Variants in NEO1 observed in about 807,000 individuals in gnomAD.
The protein encoded by NEO1 is neogenin 1, also known as neogenin.
In NEO1, 63 loss-of-function variants were observed where a neutral mutation model predicts 159.7. The ratio of observed to expected loss-of-function variants is 0.39; its 90% CI spans 0.32 to 0.49. NEO1 has a LOEUF of 0.49. Among genes scored for constraint, NEO1 ranks in the 20% least tolerant of loss-of-function variants. NEO1 has a pLI of 0.85. For missense variants in NEO1, 1,615 were observed against 1,831.0 expected, an observed-to-expected ratio of 0.88 and a Z score of 2.15; for synonymous variants, 633 against 662.0, an observed-to-expected ratio of 0.96 and a Z score of 0.67.
chr15:73,237,544 G>A (rs1438589393), intron 8 of NEO1, among the ~76,000 whole-genome samples: 1 of 152,190 alleles, frequency 6.6e-6, no homozygotes, highest in African/African-American at 2.4e-5. Context: ...ATTTCCATTA[G>A]CATGCTTATA....
intron 5 of NEO1, among the ~76,000 whole-genome samples, chr15:73,173,866 G>A (rs1440422222): frequency 2.0e-5 from 3 of 152,000 alleles, no homozygotes; most frequent in East Asian, 1.9e-4. Context: ...TTGGGAGGCC[G>A]AGGCAGGTGG....
rs773649750 is a variant in NEO1, at chr15:73,178,366, C to T, written c.1230C>T (p.Cys410=). The part of the protein sequence containing the change: ...LVKSDEGFYQ[C]IAENDVGNAQ... ...AATCAGATGAAGGGTTCTATCAGTG[C>T]ATTGCTGAAAATGATGTTGGAAATG... The change falls in exon 7 of 29, where the codon TGC becomes TGT. Residue 410 remains cysteine, a synonymous_variant. Transcript: ENST00000261908. 5 of 1,613,710 alleles carry T rather than the reference C, an allele frequency of 3.1e-6. No homozygotes were observed. Among genetic ancestry groups the T allele is most frequent in the Middle Eastern group, 1.7e-4 (1 of 6,056 alleles).
chr15:73,056,879 G>A lies in NEO1; in HGVS notation c.130+4074G>A, dbSNP rs2067730095. Among the ~76,000 whole-genome samples, 4 of 152,218 alleles carry A rather than the reference G, an allele frequency of 2.6e-5. No individual in the cohort carries two copies. The South Asian group carries it at 8.3e-4, about 32-fold the overall frequency. On this transcript the variant is annotated intron_variant, in intron 1 of 28. Coordinates refer to ENST00000261908, the MANE Select transcript of NEO1 (RefSeq NM_002499.4). ...AAGAAAAGACTGATGGCGTTGCTCT[G>A]CCTGTCTGTTAGAATGAGGCACAAA...
intron 1 of NEO1, among the ~76,000 whole-genome samples, chr15:73,102,544 A>G (rs1258996181): frequency 2.6e-5 from 4 of 152,090 alleles, no homozygotes; most frequent in African/African-American, 9.7e-5. Flanking sequence ...GACTTTCTCA[A>G]TGTATATCTA....
intron 7 of NEO1, among the ~76,000 whole-genome samples, chr15:73,220,565 C>T (rs1425118051): frequency 6.6e-6 from 1 of 152,196 alleles, no homozygotes; most frequent in Non-Finnish European, 1.5e-5. Flanking sequence ...TCAGGTACAC[C>T]AATCAGACGT....
intron 25 of NEO1, among the ~76,000 whole-genome samples, chr15:73,289,966 A>G (rs2042097530): frequency 6.6e-6 from 1 of 151,914 alleles, no homozygotes; most frequent in Non-Finnish European, 1.5e-5. Flanking sequence ...AATAAAAAAA[A>G]TAAAGCCAGG....
At chr15:73,113,953 A>C (rs1300134616) in intron 1 of NEO1, among the ~76,000 whole-genome samples, 1 of 152,164 alleles carries the variant, frequency 6.6e-6, no homozygotes, top group Non-Finnish European at 1.5e-5. Flanking sequence ...TTCTTGAAAG[A>C]AATTATAGAG....
At chr15:73,192,113 T>C (rs2036266947) in intron 7 of NEO1, among the ~76,000 whole-genome samples, 1 of 152,018 alleles carries the variant, frequency 6.6e-6, no homozygotes, top group African/African-American at 2.4e-5. Context: ...TAAATAAAAG[T>C]ACTACTCTGA....
intron 7 of NEO1, among the ~76,000 whole-genome samples, chr15:73,219,894 C>G (rs889468731): frequency 1.8e-4 from 27 of 151,234 alleles, no homozygotes; most frequent in Non-Finnish European, 3.5e-4. Flanking sequence ...CAGTCTGTGT[C>G]TTGTAATTGG....
chr15:73,148,877 A>G (rs1396068884), intron 5 of NEO1, among the ~76,000 whole-genome samples: 4 of 151,250 alleles, frequency 2.6e-5, no homozygotes, highest in African/African-American at 9.7e-5. Flanking sequence ...TGGCCAGGGA[A>G]CTCAAGCAAA....
chr15:73,267,082 C>T (rs1334047968), intron 16 of NEO1, among the ~76,000 whole-genome samples: 4 of 152,132 alleles, frequency 2.6e-5, no homozygotes, highest in African/African-American at 9.7e-5. Context: ...CACAGTGAAA[C>T]CCTATCTCTA....
At chr15:73,169,132 T>TAA (rs2034786369) in intron 5 of NEO1, among the ~76,000 whole-genome samples, 1 of 152,184 alleles carries the variant, frequency 6.6e-6, no homozygotes, top group Admixed American at 6.5e-5. Flanking sequence ...CCCTATATTG[T>TAA]TATTTATTTG....
At chr15:73,232,360 T>G (rs1360305114) in intron 7 of NEO1, among the ~76,000 whole-genome samples, 1 of 152,234 alleles carries the variant, frequency 6.6e-6, no homozygotes, top group Non-Finnish European at 1.5e-5. Flanking sequence ...CCTGTGTCTG[T>G]ATAGATTAGT....
chr15:73,265,383 A>G lies in NEO1; in HGVS notation c.2399-933A>G, dbSNP rs1349106191. 2.6e-5 allele frequency among the ~76,000 whole-genome samples: 4 copies of G among 152,298 alleles called. No individual in the cohort carries two copies. The East Asian group carries it at 7.7e-4, about 29-fold the overall frequency. On this transcript the variant is annotated intron_variant, in intron 15 of 28. Coordinates refer to ENST00000261908, the MANE Select transcript of NEO1 (RefSeq NM_002499.4). ...TGAGACACCCAAGAGGAAATGCCAA[A>G]CAGACAATTGAACATAAAGGTCTGG... is the stretch of plus-strand genomic sequence containing the variant.
At chr15:73,274,630 C>A in intron 20 of NEO1, 62 bp from the exon 21 acceptor site, 8 of 1,544,822 alleles carry the variant, frequency 5.2e-6, no homozygotes, top group Non-Finnish European at 7.1e-6. Context: ...TTCTGCCTGT[C>A]CCATCTTCAA....
At chr15:73,238,349 T>TAA (rs199786208) in intron 8 of NEO1, among the ~76,000 whole-genome samples, 1,891 of 149,164 alleles carry the variant, frequency 0.013, 16 homozygotes, top group Middle Eastern at 0.017. Flanking sequence ...AGCTTATTTA[T>TAA]TCTGTCTGTC....
At chr15:73,122,190 CAT>C (rs1190834935) in intron 2 of NEO1, among the ~76,000 whole-genome samples, 1 of 148,894 alleles carries the variant, frequency 6.7e-6, no homozygotes, top group African/African-American at 2.5e-5. Context: ...ATATAGATAT[CAT>C]ATATATTTTT....
Position 73,122,723 on chromosome 15 carries a change from G to A in NEO1, c.647G>A (p.Gly216Asp), listed in dbSNP as rs1325383240. The change falls in exon 3 of 29, where the codon GGC (glycine) becomes GAC (aspartate). Residue 216 changes from glycine (G) to aspartate (D), a missense_variant. Coordinates refer to ENST00000261908, the MANE Select transcript of NEO1 (RefSeq NM_002499.4). ...ATCAGCAATGCAACTGAAGGAGATG[G>A]CGGGCTTTATCGCTGCGTAGTGGAA... ...LVISNATEGD[G>D]GLYRCVVESG... 1 of 1,614,056 alleles carries A rather than the reference G, an allele frequency of 6.2e-7. No individual in the cohort carries two copies. Among genetic ancestry groups the A allele is most frequent in the Non-Finnish European group, 8.5e-7 (1 of 1,180,044 alleles).
intron 12 of NEO1, 90 bp from the exon 13 acceptor site, chr15:73,254,592 T>C: frequency 7.2e-7 from 1 of 1,383,738 alleles, no homozygotes; most frequent in Non-Finnish European, 9.7e-7. Flanking sequence ...GTTTTTTCTC[T>C]TTAAACAGTA....
Sources: allele counts gnomAD v4.1 joint callset (sites outside exome capture counted in the v4.1 genomes callset), GRCh38; gene constraint gnomAD v4.1.1; transcripts MANE v1.5; gene names NCBI Gene and HGNC (gene_info 2026-07-23, HGNC 2026-07-21).